Variants in CHCHD3 observed in about 807,000 individuals in gnomAD.
CHCHD3 encodes MICOS complex subunit MIC19.
CHCHD3 carries 20 observed loss-of-function variants against 38.2 expected under a neutral mutation model. The observed-to-expected ratio is 0.52, with a 90% confidence interval of 0.37 to 0.76. The LOEUF is 0.76. CHCHD3 is among the 30% of genes least tolerant of loss of function. The pLI is 0.00. For synonymous variants in CHCHD3, 82 were observed against 100.0 expected, an observed-to-expected ratio of 0.82 and a Z score of 1.07; for missense variants, 245 against 279.2, an observed-to-expected ratio of 0.88 and a Z score of 0.87.
chr7:132,918,949 T>C (rs948413368), intron 4 of CHCHD3, among the ~76,000 whole-genome samples: 5 of 152,016 alleles, frequency 3.3e-5, no homozygotes, highest in African/African-American at 1.2e-4. Flanking sequence ...AGCATCAATG[T>C]GCCATGGACA....
Position 133,024,629 on chromosome 7 carries a change from TAGA to T in CHCHD3, c.170-5_170-3del, listed in dbSNP as rs1316001272. The T allele has an allele frequency of 1.2e-6, 2 of 1,605,768 alleles. No individual in the cohort carries two copies. Among genetic ancestry groups the T allele is most frequent in the South Asian group, 2.2e-5 (2 of 90,904 alleles). ...TTCTTTTCAATTCTTCATCAGAAACTAGAATCGATAAAGAGCAGAAGGAGATAA... is the reference window on the plus strand; with the variant it reads ...TTCTTTTCAATTCTTCATCAGAAACTATCGATAAAGAGCAGAAGGAGATAA... On this transcript the variant is annotated splice_region_variant and splice_polypyrimidine_tract_variant and intron_variant, in intron 2 of 7. Transcript: ENST00000262570.
chr7:132,813,535 C>T (rs1554495732), intron 6 of CHCHD3: 1 of 152,140 alleles, frequency 6.6e-6, no homozygotes, highest in Non-Finnish European at 1.5e-5. Context: ...TTTAAGCTCT[C>T]CACACAGTGT....
intron 4 of CHCHD3, 41 bp downstream of exon 4, chr7:132,975,128 C>T: frequency 6.7e-7 from 1 of 1,498,810 alleles, no homozygotes; most frequent in Non-Finnish European, 9.3e-7. Flanking sequence ...CAGAGATTTC[C>T]TTGTAGGCAA....
chr7:132,917,769 G>A (rs893702973), intron 4 of CHCHD3, among the ~76,000 whole-genome samples: 1 of 143,164 alleles, frequency 7.0e-6, no homozygotes, highest in African/African-American at 2.6e-5. Flanking sequence ...TGAGGCAGGA[G>A]AATGACGTGA....
chr7:133,056,386 CCCA>C (rs2078453372), intron 2 of CHCHD3, among the ~76,000 whole-genome samples: 1 of 152,114 alleles, frequency 6.6e-6, no homozygotes, highest in South Asian at 2.1e-4. Flanking sequence ...CCTCCTCGCC[CCCA>C]CCACCAATTC....
At chr7:132,911,896 T>A (rs992075540) in intron 4 of CHCHD3, among the ~76,000 whole-genome samples, 1 of 152,206 alleles carries the variant, frequency 6.6e-6, no homozygotes, top group African/African-American at 2.4e-5. Flanking sequence ...GCAATGTAGG[T>A]TAATAATGGA....
At chr7:133,008,262 C>T (rs556774905) in intron 3 of CHCHD3, among the ~76,000 whole-genome samples, 2 of 152,108 alleles carry the variant, frequency 1.3e-5, no homozygotes, top group Admixed American at 1.3e-4. Flanking sequence ...TATTCTTCGA[C>T]ATTTTGCCAT....
chr7:132,862,692 C>G (rs977667398), intron 5 of CHCHD3, among the ~76,000 whole-genome samples: 1 of 152,194 alleles, frequency 6.6e-6, no homozygotes, highest in Non-Finnish European at 1.5e-5. Context: ...AGTAAAACTT[C>G]TTTCAAAATT....
chr7:132,825,217 A>G (rs924297034), intron 6 of CHCHD3, among the ~76,000 whole-genome samples: 1 of 152,200 alleles, frequency 6.6e-6, no homozygotes, highest in African/African-American at 2.4e-5. Flanking sequence ...AAGTTCTTCA[A>G]AGCAAAATTG....
chr7:132,852,166 T>C (rs1193584097), intron 5 of CHCHD3, among the ~76,000 whole-genome samples: 1 of 152,224 alleles, frequency 6.6e-6, no homozygotes, highest in East Asian at 1.9e-4. Flanking sequence ...GATATTGGCT[T>C]ACCATTCCAC....
chr7:133,060,746 T>C (rs1190190207), intron 2 of CHCHD3, among the ~76,000 whole-genome samples: 1 of 152,002 alleles, frequency 6.6e-6, no homozygotes, highest in Non-Finnish European at 1.5e-5. Flanking sequence ...CCATGTCTAC[T>C]AAAAATACAA....
chr7:133,021,446 C>A (rs1813175236), intron 3 of CHCHD3, among the ~76,000 whole-genome samples: 1 of 151,514 alleles, frequency 6.6e-6, no homozygotes, highest in Non-Finnish European at 1.5e-5. Context: ...ATCCAGTTCT[C>A]CCCTTGCTAA....
At chr7:132,842,727 A>G (rs970703475) in intron 5 of CHCHD3, among the ~76,000 whole-genome samples, 11 of 152,174 alleles carry the variant, frequency 7.2e-5, no homozygotes, top group African/African-American at 2.7e-4. Context: ...GAGTTTATGC[A>G]CTACTGGGAA....
chr7:132,963,200 G>T (rs1417421673), intron 4 of CHCHD3, among the ~76,000 whole-genome samples: 3 of 149,072 alleles, frequency 2.0e-5, no homozygotes, highest in African/African-American at 7.3e-5. Flanking sequence ...GAATGATAAA[G>T]TGTGGTAAAT....
intron 1 of CHCHD3, among the ~76,000 whole-genome samples, chr7:133,078,824 C>G (rs1815083867): frequency 6.6e-6 from 1 of 152,232 alleles, no homozygotes; most frequent in Admixed American, 6.5e-5. Flanking sequence ...CAACCAATGA[C>G]ATAAATGCTA....
At chr7:133,029,852 A>T (rs778414855) in intron 2 of CHCHD3, among the ~76,000 whole-genome samples, 1 of 152,072 alleles carries the variant, frequency 6.6e-6, no homozygotes, top group Admixed American at 6.5e-5. Flanking sequence ...GGAGAGAAAA[A>T]CGTGGGAAGA....
chr7:132,897,372 C>T (rs1809526507), intron 4 of CHCHD3, among the ~76,000 whole-genome samples: 1 of 147,474 alleles, frequency 6.8e-6, no homozygotes, highest in African/African-American at 2.4e-5. Context: ...TGTATTTGTT[C>T]AATTTAAATT....
At chr7:133,009,982 C>T (rs932198836) in intron 3 of CHCHD3, among the ~76,000 whole-genome samples, 3 of 151,816 alleles carry the variant, frequency 2.0e-5, no homozygotes, top group Non-Finnish European at 2.9e-5. Flanking sequence ...AAAAACACTG[C>T]TCCTGGAGTT....
chr7:132,934,487 T>C (rs897698127), intron 4 of CHCHD3, among the ~76,000 whole-genome samples: 6 of 152,194 alleles, frequency 3.9e-5, no homozygotes, highest in African/African-American at 1.4e-4. Context: ...GTTCTTCATA[T>C]GCTTACCTGA....
Sources: gnomAD v4.1 joint callset for allele counts (sites outside exome capture counted in the v4.1 genomes callset) on GRCh38, gnomAD v4.1.1 for gene constraint, MANE v1.5 for transcripts, NCBI Gene and HGNC (gene_info 2026-07-23, HGNC 2026-07-21) for gene names.